Variants in BRINP3 observed in about 807,000 individuals in gnomAD.
BRINP3 encodes the protein BMP/retinoic acid inducible neural specific 3, also known as BMP/retinoic acid-inducible neural-specific protein 3.
In BRINP3, 19 loss-of-function variants were observed where a neutral mutation model predicts 71.0. The observed-to-expected ratio is 0.27, with a 90% confidence interval of 0.19 to 0.39. BRINP3 has a LOEUF of 0.39. Ranked by LOEUF, BRINP3 falls within the 10% of genes least tolerant of loss-of-function variation. The pLI, the probability that BRINP3 is intolerant of heterozygous loss-of-function variation, is 1.00. For missense variants in BRINP3, 959 were observed against 940.8 expected (o/e 1.02, Z -0.25); for synonymous variants, 380 against 337.7 (o/e 1.13, Z -1.37).
At chr1:190,283,116 T>C (rs1245371825) in intron 2 of BRINP3, among the ~76,000 whole-genome samples, 1 of 152,164 alleles carries the variant, frequency 6.6e-6, no homozygotes, top group South Asian at 2.1e-4. Context: ...ACTAATTATA[T>C]GATCAGAATC....
At position 190,342,048 on chromosome 1, in the gene BRINP3, T is replaced by C. The variant is rs190494131; in HGVS notation, c.237-60298A>G. Among the ~76,000 whole-genome samples the C allele has an allele frequency of 2.6e-5, 4 of 151,200 alleles. No individual in the cohort carries two copies. The East Asian group carries it at 7.9e-4, about 30-fold the overall frequency. On this transcript the variant is annotated intron_variant, in intron 2 of 7. Coordinates refer to ENST00000367462, the MANE Select transcript of BRINP3 (RefSeq NM_199051.3). The stretch of plus-strand genomic sequence containing the variant: ...TTGCAGTTTCTAGAGTACCCCACAT[T>C]CCTTGCCATGTGACCCCATTTCTAT...
intron 2 of BRINP3, among the ~76,000 whole-genome samples, chr1:190,366,294 G>A (rs940082032): frequency 2.0e-5 from 3 of 152,110 alleles, no homozygotes. Flanking sequence ...CAAGGTGGCA[G>A]CAAAGAGAAG....
rs540034551 is a variant in BRINP3, at chr1:190,405,142, A to G, written c.236+49513T>C. 2.7e-3 allele frequency among the ~76,000 whole-genome samples: 404 copies of G among 152,236 alleles called. 2 individuals carry two copies. The highest frequency in any genetic ancestry group is 0.014 in the Middle Eastern group (4 of 294). ...CACATTTTCTTATTTTGTAGTAATA[A>G]AAAATATTTTTAAAGAATCAGAAAC... On this transcript the variant is annotated intron_variant, in intron 2 of 7. Transcript: ENST00000367462.
At chr1:190,387,188 G>A (rs577920949) in intron 2 of BRINP3, among the ~76,000 whole-genome samples, 47 of 151,976 alleles carry the variant, frequency 3.1e-4, no homozygotes, top group Admixed American at 8.5e-4. Context: ...AAATTTTAAA[G>A]GCTAAATCAG....
intron 1 of BRINP3, among the ~76,000 whole-genome samples, chr1:190,469,449 C>A (rs578198428): frequency 5.1e-4 from 77 of 151,048 alleles, no homozygotes; most frequent in Middle Eastern, 6.8e-3. Flanking sequence ...GTTAAGAAAG[C>A]AAGCATTAAT....
At chr1:190,099,914 C>T (rs1191268341) in intron 7 of BRINP3, among the ~76,000 whole-genome samples, 6 of 151,976 alleles carry the variant, frequency 3.9e-5, no homozygotes, top group Non-Finnish European at 8.8e-5. Context: ...TCTCACTTTT[C>T]TGATTTTCTC....
In BRINP3 at chr1:190,399,196, C is replaced by T. The variant is rs2102347016; in HGVS notation, c.236+55459G>A. Reference sequence around the variant, plus strand: ...TAGGTATAGGTGAATAGAAATGTCACTTAATGTTTTTAATTAAAAACACAC... The same window carrying T: ...TAGGTATAGGTGAATAGAAATGTCATTTAATGTTTTTAATTAAAAACACAC... On this transcript the variant is annotated intron_variant, in intron 2 of 7. Transcript: ENST00000367462. Among the ~76,000 whole-genome samples, 6 of 152,058 alleles carry T rather than the reference C, an allele frequency of 3.9e-5. 1 individual carries two copies. Among genetic ancestry groups the T allele is most frequent in the Admixed American group, 3.9e-4 (6 of 15,252 alleles).
chr1:190,392,610 A>T lies in BRINP3; in HGVS notation c.236+62045T>A, dbSNP rs886758131. Reference sequence around the variant, plus strand: ...CTTTCCAATATAAAAGTTATTTTTTAAAAAAGAAAGATACTCCCAACTTGT... The same window carrying T: ...CTTTCCAATATAAAAGTTATTTTTTTAAAAAGAAAGATACTCCCAACTTGT... On this transcript the variant is annotated intron_variant, in intron 2 of 7. Coordinates refer to ENST00000367462, the MANE Select transcript of BRINP3 (RefSeq NM_199051.3). 7.9e-5 allele frequency among the ~76,000 whole-genome samples: 12 copies of T among 151,784 alleles called. No homozygotes were observed. In the East Asian group the frequency reaches 2.3e-3, roughly 29 times the overall value.
chr1:190,243,339 CT>C (rs201208313), intron 4 of BRINP3, among the ~76,000 whole-genome samples: 14 of 151,026 alleles, frequency 9.3e-5, no homozygotes, highest in African/African-American at 2.4e-4. Context: ...GTTATTTTGA[CT>C]TTTTTTTTAG....
intron 7 of BRINP3, among the ~76,000 whole-genome samples, chr1:190,159,672 A>G (rs548832783): frequency 6.6e-6 from 1 of 152,188 alleles, no homozygotes; most frequent in Admixed American, 6.6e-5. Context: ...TATAGAGAGA[A>G]ACAGCCTTGG....
intron 6 of BRINP3, among the ~76,000 whole-genome samples, chr1:190,186,190 A>G (rs1010167390): frequency 2.0e-5 from 3 of 152,078 alleles, no homozygotes; most frequent in Non-Finnish European, 4.4e-5. Context: ...AGCCTGGCCA[A>G]CATGCTGAAA....
intron 3 of BRINP3, among the ~76,000 whole-genome samples, chr1:190,271,506 G>T (rs894851705): frequency 6.6e-6 from 1 of 151,462 alleles, no homozygotes; most frequent in African/African-American, 2.4e-5. Context: ...CTATTATTCA[G>T]AGCTGCATAA....
At chr1:190,292,825 T>C (rs1383571404) in intron 2 of BRINP3, among the ~76,000 whole-genome samples, 1 of 152,146 alleles carries the variant, frequency 6.6e-6, no homozygotes, top group Non-Finnish European at 1.5e-5. Flanking sequence ...GGTTTTCCAA[T>C]TTGTTAGCAT....
intron 6 of BRINP3, among the ~76,000 whole-genome samples, chr1:190,179,374 A>G (rs1652831611): frequency 6.6e-6 from 1 of 152,116 alleles, no homozygotes; most frequent in African/African-American, 2.4e-5. Flanking sequence ...ATGGGAAGTT[A>G]ATTACTAGTA....
At chr1:190,156,194 A>G (rs192704398) in intron 7 of BRINP3, among the ~76,000 whole-genome samples, 3 of 152,228 alleles carry the variant, frequency 2.0e-5, no homozygotes, top group Admixed American at 6.6e-5. Flanking sequence ...AGAACTATAC[A>G]CTATACAGAG....
intron 2 of BRINP3, among the ~76,000 whole-genome samples, chr1:190,451,721 GT>G (rs1222895030): frequency 6.6e-6 from 1 of 151,960 alleles, no homozygotes; most frequent in Non-Finnish European, 1.5e-5. Context: ...ATAAATGTAA[GT>G]TCTATTAGTT....
chr1:190,383,146 G>A (rs771237213), intron 2 of BRINP3, among the ~76,000 whole-genome samples: 13 of 151,982 alleles, frequency 8.6e-5, no homozygotes, highest in Non-Finnish European at 1.6e-4. Flanking sequence ...GTATCTAACT[G>A]GGTGCTTTGT....
rs375183008 is a variant in BRINP3 at position 190,298,993 on chromosome 1, T to A, written c.237-17243A>T. 4.6e-5 allele frequency among the ~76,000 whole-genome samples: 7 copies of A among 152,270 alleles called. No individual in the cohort carries two copies. In the South Asian group the frequency reaches 1.4e-3, roughly 32 times the overall value. ...AATATCCTGCAGCCCAGTTGTTTGG[T>A]GCATGCACATTTAAGGCTAATATGT... is the stretch of plus-strand genomic sequence containing the variant. On this transcript the variant is annotated intron_variant, in intron 2 of 7. Coordinates refer to ENST00000367462, the MANE Select transcript of BRINP3 (RefSeq NM_199051.3).
At chr1:190,225,034 T>C (rs1048493113) in intron 6 of BRINP3, among the ~76,000 whole-genome samples, 1 of 151,896 alleles carries the variant, frequency 6.6e-6, no homozygotes, top group African/African-American at 2.4e-5. Context: ...TTGGTGGAAA[T>C]ATAGATTAGT....
Sources: allele counts gnomAD v4.1 joint callset (sites outside exome capture counted in the v4.1 genomes callset), GRCh38; gene constraint gnomAD v4.1.1; transcripts MANE v1.5; gene names NCBI Gene and HGNC (gene_info 2026-07-23, HGNC 2026-07-21).